The following RAVER2 variants were observed in gnomAD, a reference collection of about 807,000 sequenced individuals.
RAVER2 encodes ribonucleoprotein PTB-binding 2.
Under a neutral mutation model 78.1 loss-of-function variants are expected in RAVER2, and 46 were observed. The ratio of observed to expected loss-of-function variants is 0.59; its 90% CI spans 0.46 to 0.75. The LOEUF (loss-of-function observed/expected upper bound fraction) is 0.75. Among genes scored for constraint, RAVER2 ranks in the 30% least tolerant of loss-of-function variants. RAVER2 has a pLI of 0.00. For missense variants in RAVER2, 793 were observed against 837.5 expected (o/e 0.95, Z 0.66); for synonymous variants, 311 against 313.3 (o/e 0.99, Z 0.08).
chr1:64,819,403 C>T (rs916722448), intron 11 of RAVER2, among the ~76,000 whole-genome samples: 5 of 151,800 alleles, frequency 3.3e-5, no homozygotes, highest in African/African-American at 9.7e-5. Flanking sequence ...AAAAAAGGTT[C>T]GGTTAACATG....
At chr1:64,794,716 TG>T (rs1557597423) in intron 5 of RAVER2, among the ~76,000 whole-genome samples, 1 of 152,172 alleles carries the variant, frequency 6.6e-6, no homozygotes, top group Non-Finnish European at 1.5e-5. Flanking sequence ...CTTATCAAGT[TG>T]TAAGAGTGTT....
At chr1:64,803,427 A>T (rs974618809) in intron 6 of RAVER2, among the ~76,000 whole-genome samples, 5 of 152,190 alleles carry the variant, frequency 3.3e-5, no homozygotes, top group Admixed American at 6.5e-5. Flanking sequence ...CTTAATTTTT[A>T]AAATTTAATG....
chr1:64,777,329 A>C (rs1456989625), intron 2 of RAVER2, among the ~76,000 whole-genome samples: 31 of 140,416 alleles, frequency 2.2e-4, no homozygotes, highest in Admixed American at 1.0e-3. Context: ...ACTACCAAAA[A>C]CCCCCCAGAA....
intron 11 of RAVER2, chr1:64,816,062 AACTTTTTAT>A (rs1447402255): frequency 6.6e-6 from 1 of 152,230 alleles, no homozygotes; most frequent in African/African-American, 2.4e-5. Flanking sequence ...TCAAGAAACA[AACTTTTTAT>A]AAACAGGAGA....
intron 5 of RAVER2, among the ~76,000 whole-genome samples, chr1:64,800,406 G>T (rs1192218874): frequency 6.6e-6 from 1 of 152,058 alleles, no homozygotes; most frequent in Non-Finnish European, 1.5e-5. Flanking sequence ...TCTTCCAGTA[G>T]TTGTGCAATT....
chr1:64,827,346 TGGGGATATAGTAGGATTGCCCA>T (rs1654026783), intron 11 of RAVER2, among the ~76,000 whole-genome samples: 1 of 151,350 alleles, frequency 6.6e-6, no homozygotes, highest in African/African-American at 2.4e-5. Flanking sequence ...CAGGGTAGGG[TGGGGATATAGTAGGATTGCCCA>T]GGGGCATGAG....
intron 1 of RAVER2, among the ~76,000 whole-genome samples, chr1:64,764,465 G>A (rs1005453138): frequency 6.6e-6 from 1 of 151,886 alleles, no homozygotes; most frequent in Non-Finnish European, 1.5e-5. Flanking sequence ...ATTGAAAGAT[G>A]AAATAAGATC....
chr1:64,792,831 A>G (rs1000126455), intron 5 of RAVER2, among the ~76,000 whole-genome samples: 22 of 152,186 alleles, frequency 1.4e-4, no homozygotes, highest in Admixed American at 1.2e-3. Context: ...GTCCTTTACT[A>G]TATCATAACT....
chr1:64,823,802 AT>A (rs759134955), intron 11 of RAVER2, among the ~76,000 whole-genome samples: 5,148 of 122,784 alleles, frequency 0.042, 129 homozygotes, highest in African/African-American at 0.1. Flanking sequence ...GTAAGTTGTG[AT>A]TTTTTTTTTT....
chr1:64,782,583 G>A (rs766666988), intron 4 of RAVER2, among the ~76,000 whole-genome samples: 4 of 152,118 alleles, frequency 2.6e-5, no homozygotes, highest in Non-Finnish European at 4.4e-5. Flanking sequence ...TTGTTTATCC[G>A]AACTTAAAAT....
intron 5 of RAVER2, among the ~76,000 whole-genome samples, chr1:64,801,592 G>A (rs941268067): frequency 3.3e-5 from 5 of 149,930 alleles, no homozygotes; most frequent in African/African-American, 9.9e-5. Context: ...GCTCCAGGCC[G>A]GGCGCGGTGG....
chr1:64,801,823 G>A (rs145863957), intron 5 of RAVER2, among the ~76,000 whole-genome samples: 2,253 of 152,248 alleles, frequency 0.015, 55 homozygotes, highest in African/African-American at 0.049. Flanking sequence ...AGCTGAGATC[G>A]TGCCATTGCA....
Position 64,807,493 on chromosome 1 carries a change from C to T in RAVER2, c.1680+19C>T, listed in dbSNP as rs1295059342. On this transcript the variant is annotated intron_variant, in intron 9 of 11. Transcript: ENST00000294428. ...TTCAGGGGTAAGAAAACTGTGGGTGCACACAGATGTATATATACATGTATA... is the reference window on the plus strand; with the variant it reads ...TTCAGGGGTAAGAAAACTGTGGGTGTACACAGATGTATATATACATGTATA... 6.2e-7 allele frequency: 1 copy of T among 1,610,640 alleles called. No homozygotes were observed. Among genetic ancestry groups the T allele is most frequent in the East Asian group, 2.2e-5 (1 of 44,818 alleles).
At chr1:64,784,343 C>T (rs529356406) in intron 4 of RAVER2, among the ~76,000 whole-genome samples, 106 of 152,288 alleles carry the variant, frequency 7.0e-4, no homozygotes, top group African/African-American at 2.1e-3. Flanking sequence ...TACCACTGCA[C>T]TCCAGCCTGG....
intron 4 of RAVER2, among the ~76,000 whole-genome samples, chr1:64,785,718 A>G (rs1369578006): frequency 6.6e-6 from 1 of 151,996 alleles, no homozygotes; most frequent in Admixed American, 6.6e-5. Context: ...ACTTCTGTCT[A>G]CTCACTTATT....
intron 1 of RAVER2, among the ~76,000 whole-genome samples, chr1:64,750,850 C>G (rs1651678512): frequency 2.0e-5 from 3 of 152,158 alleles, no homozygotes; most frequent in Non-Finnish European, 4.4e-5. Flanking sequence ...TGCAATTAAA[C>G]AGAATTGAAT....
At position 64,763,284 on chromosome 1, in the gene RAVER2, G is replaced by A. The variant is rs561376512; in HGVS notation, c.250-5372G>A. Among the ~76,000 whole-genome samples, 13 of 152,002 alleles carry A rather than the reference G, an allele frequency of 8.6e-5. No individual in the cohort carries two copies. In the South Asian group the frequency reaches 2.1e-3, roughly 24 times the overall value. ...TGCACTCCAGCCTGGGCGACAGAGC[G>A]AGACTCCATCTCAAAAAAAAGAAAA... On this transcript the variant is annotated intron_variant, in intron 1 of 11. Transcript: ENST00000294428.
chr1:64,766,949 G>A (rs1035857673), intron 1 of RAVER2, among the ~76,000 whole-genome samples: 2 of 152,058 alleles, frequency 1.3e-5, no homozygotes, highest in Non-Finnish European at 2.9e-5. Flanking sequence ...AATTACCATA[G>A]TAATATGTAA....
At chr1:64,772,903 G>A (rs887630192) in intron 2 of RAVER2, among the ~76,000 whole-genome samples, 6 of 152,120 alleles carry the variant, frequency 3.9e-5, no homozygotes, top group African/African-American at 1.4e-4. Flanking sequence ...GGCTTTTTTT[G>A]TGAGTAATAG....
Sources: allele counts gnomAD v4.1 joint callset (sites outside exome capture counted in the v4.1 genomes callset), GRCh38; gene constraint gnomAD v4.1.1; transcripts MANE v1.5; gene names NCBI Gene and HGNC (gene_info 2026-07-23, HGNC 2026-07-21).